ANKRD36: variants seen among roughly 807,000 people sequenced by gnomAD.
ANKRD36 encodes ankyrin repeat domain-containing protein 36A.
A neutral mutation model predicts 278.1 loss-of-function variants in ANKRD36; 179 were observed. The ratio of observed to expected loss-of-function variants is 0.64; its 90% CI spans 0.57 to 0.73. ANKRD36 has a LOEUF of 0.73. Ranked by LOEUF, ANKRD36 falls within the 30% of genes least tolerant of loss-of-function variation. The pLI is 0.00. For missense variants in ANKRD36, 1,159 were observed against 1,956.7 expected (o/e 0.59, Z 7.69); for synonymous variants, 320 against 641.1 (o/e 0.50, Z 7.57).
chr2:97,211,859 G>A (rs1387404519), intron 58 of ANKRD36, 118 bp downstream of exon 58: 2 of 1,286,632 alleles, frequency 1.6e-6, no homozygotes, highest in Non-Finnish European at 2.1e-6. Flanking sequence ...GTATTCCTGA[G>A]ATTATTCATT....
At chr2:97,177,379 A>G (rs1432628687) in intron 22 of ANKRD36, among the ~76,000 whole-genome samples, 2 of 151,928 alleles carry the variant, frequency 1.3e-5, no homozygotes, top group Non-Finnish European at 2.9e-5. Context: ...AGTCAATCCT[A>G]AGCCAAAAGA....
At chr2:97,211,856 T>C in intron 58 of ANKRD36, 115 bp downstream of exon 58, 1 of 1,291,218 alleles carries the variant, frequency 7.7e-7, no homozygotes, top group Non-Finnish European at 1.1e-6. Context: ...TCAGTATTCC[T>C]GAGATTATTC....
In ANKRD36 at chr2:97,187,348, A is replaced by G. The variant is rs776679533; in HGVS notation, c.2090A>G (p.Asp697Gly). The G allele has an allele frequency of 3.1e-6, 5 of 1,608,342 alleles. No homozygotes were observed. Among genetic ancestry groups the G allele is most frequent in the East Asian group, 4.5e-5 (2 of 44,468 alleles). Residue 697 changes from aspartate to glycine, a missense_variant, in exon 32 of 76, where the codon GAC becomes GGC. Transcript: ENST00000420699. ...ATTCAGGCTACAACTGACGAGGAAG[A>G]CTCTGTTTCGAATATAGCCACAGAA... ...PALKATTDEE[D>G]SVSNIATEIK...
At chr2:97,131,446 G>A (rs1233949874) in intron 6 of ANKRD36, among the ~76,000 whole-genome samples, 1 of 151,972 alleles carries the variant, frequency 6.6e-6, no homozygotes, top group Non-Finnish European at 1.5e-5. Context: ...TGATCCTCCT[G>A]CCTCAGCCTC....
chr2:97,197,538 C>G (rs1274561704), intron 42 of ANKRD36, among the ~76,000 whole-genome samples: 7 of 151,848 alleles, frequency 4.6e-5, no homozygotes, highest in Non-Finnish European at 5.9e-5. Flanking sequence ...TTTCCTTGTT[C>G]AAGGAGCTAC....
chr2:97,220,774 A>ATTTTTTTTTTTTTTTTTTTT (rs2067344191), intron 66 of ANKRD36, among the ~76,000 whole-genome samples: 1 of 46,388 alleles, frequency 2.2e-5, no homozygotes, highest in African/African-American at 1.5e-4. Flanking sequence ...TTTTTTTTTT[A>ATTTTTTTTTTTTTTTTTTTT]ATTTTTTTTT....
chr2:97,202,422 G>T (rs1325513176), intron 48 of ANKRD36, 29 bp downstream of exon 48: 1 of 1,543,632 alleles, frequency 6.5e-7, no homozygotes, highest in African/African-American at 1.4e-5. Context: ...TTAATGTCAT[G>T]TTCAGTCCAG....
rs2924027 is a variant in ANKRD36, at chr2:97,173,504, C to T, written c.1633+5737C>T. 6.9e-4 allele frequency among the ~76,000 whole-genome samples: 105 copies of T among 151,834 alleles called. 1 individual carries two copies. The South Asian group carries it at 7.3e-3, about 11-fold the overall frequency. On this transcript the variant is annotated intron_variant, in intron 22 of 75. Transcript: ENST00000420699. ...GTACACGTTAGTCAAGTGTCTGACA[C>T]ATTTAACATTTTAATAAAGCAAAAC...
At position 97,185,920 on chromosome 2, in the gene ANKRD36, T is replaced by G. The variant is rs548320311; in HGVS notation, c.2041+410T>G. On this transcript the variant is annotated intron_variant, in intron 30 of 75. Coordinates refer to ENST00000420699, the MANE Select transcript of ANKRD36 (RefSeq NM_001354587.1). ...GTAATAACCAGTAAAAATTGTAGAATGAGAACTAACGAGACCACTGATGTA... is the reference window on the plus strand; with the variant it reads ...GTAATAACCAGTAAAAATTGTAGAAGGAGAACTAACGAGACCACTGATGTA... 1.5e-3 allele frequency among the ~76,000 whole-genome samples: 222 copies of G among 151,866 alleles called. 2 individuals are homozygous for G. The highest frequency in any genetic ancestry group is 5.2e-3 in the African/African-American group (214 of 41,454).
At chr2:97,160,839 T>G (rs2048686696) in intron 17 of ANKRD36, among the ~76,000 whole-genome samples, 1 of 152,084 alleles carries the variant, frequency 6.6e-6, no homozygotes, top group Non-Finnish European at 1.5e-5. Context: ...AAAATGAGCT[T>G]TCTTAGGATA....
intron 3 of ANKRD36, chr2:97,118,838 A>G (rs1473063055): frequency 1.3e-5 from 1 of 79,566 alleles, no homozygotes; most frequent in African/African-American, 4.0e-5. Context: ...TTTTCTAATC[A>G]GTGTGAAGTG....
intron 50 of ANKRD36, among the ~76,000 whole-genome samples, chr2:97,204,952 T>C (rs1218976489): frequency 4.6e-5 from 7 of 151,502 alleles, no homozygotes; most frequent in African/African-American, 1.7e-4. Context: ...GATACACGTG[T>C]TGTTGATTTT....
intron 54 of ANKRD36, among the ~76,000 whole-genome samples, chr2:97,208,695 T>C (rs1387635583): frequency 1.4e-5 from 2 of 146,524 alleles, no homozygotes; most frequent in African/African-American, 2.7e-5. Context: ...ATACATGTTT[T>C]GTTGATTTTA....
At chr2:97,133,593 C>T (rs1336253302) in intron 6 of ANKRD36, among the ~76,000 whole-genome samples, 5 of 151,280 alleles carry the variant, frequency 3.3e-5, no homozygotes, top group African/African-American at 1.2e-4. Context: ...ATTTTCTTGC[C>T]TGTAAATACA....
chr2:97,225,283 T>G (rs1272487640), intron 67 of ANKRD36, among the ~76,000 whole-genome samples: 2 of 152,038 alleles, frequency 1.3e-5, no homozygotes, highest in African/African-American at 2.4e-5. Flanking sequence ...CTTTGCAGTT[T>G]TTTTATTGCC....
At chr2:97,178,943 C>G (rs903360497) in intron 22 of ANKRD36, among the ~76,000 whole-genome samples, 3 of 151,636 alleles carry the variant, frequency 2.0e-5, no homozygotes, top group Non-Finnish European at 4.4e-5. Context: ...TGGTTATTTT[C>G]AGGGAATATT....
intron 67 of ANKRD36, among the ~76,000 whole-genome samples, chr2:97,225,353 A>G (rs865900440): frequency 2.3e-4 from 35 of 152,232 alleles, no homozygotes; most frequent in African/African-American, 7.7e-4. Context: ...TTCAGTTTCT[A>G]TGTTCAGGGA....
intron 15 of ANKRD36, among the ~76,000 whole-genome samples, chr2:97,155,549 T>G (rs1000832727): frequency 1.4e-5 from 2 of 146,706 alleles, no homozygotes; most frequent in African/African-American, 4.9e-5. Flanking sequence ...GAGTATACTT[T>G]AAACTCTTTA....
At chr2:97,151,328 C>CT (rs1267145609) in intron 12 of ANKRD36, among the ~76,000 whole-genome samples, 3 of 151,706 alleles carry the variant, frequency 2.0e-5, no homozygotes, top group Non-Finnish European at 4.4e-5. Flanking sequence ...TTTTTTCTGT[C>CT]TTTTTTGGAA....
Sources: allele counts gnomAD v4.1 joint callset (sites outside exome capture counted in the v4.1 genomes callset), GRCh38; gene constraint gnomAD v4.1.1; transcripts MANE v1.5; gene names NCBI Gene and HGNC (gene_info 2026-07-23, HGNC 2026-07-21).